COQ8A: variants seen among roughly 807,000 people sequenced by gnomAD.
COQ8A encodes the protein coenzyme Q8A.
COQ8A carries 51 observed loss-of-function variants against 65.0 expected under a neutral mutation model. The observed-to-expected ratio is 0.78, with a 90% CI of 0.63 to 0.99. COQ8A has a LOEUF of 0.99. COQ8A is among the 50% of genes least tolerant of loss of function. The pLI, the probability that COQ8A is intolerant of heterozygous loss-of-function variation, is 0.00. For missense variants in COQ8A, 940 were observed against 875.0 expected, an observed-to-expected ratio of 1.07 and a Z score of -0.94; for synonymous variants, 371 against 353.2, an observed-to-expected ratio of 1.05 and a Z score of -0.57.
At position 226,986,721 on chromosome 1, in the gene COQ8A, G is replaced by A. The variant is rs773746786; in HGVS notation, c.1928G>A (p.Arg643Lys). 3 of 1,613,460 alleles carry A rather than the reference G, an allele frequency of 1.9e-6. No homozygotes were observed. Among genetic ancestry groups the A allele is most frequent in the Non-Finnish European group, 2.5e-6 (3 of 1,180,022 alleles). The change falls in exon 15 of 15, where the codon AGG becomes AAG. Residue 643 changes from arginine (R) to lysine (K), a missense_variant. Arg to Lys is a conservative substitution (Grantham distance 26). Transcript: ENST00000366777. Reference sequence around the variant, plus strand: ...GAGGCCTACAGCAACTACTGCAAGAGGCAGGCCCAGCAGTAGGGCTGCGGG... The same window carrying A: ...GAGGCCTACAGCAACTACTGCAAGAAGCAGGCCCAGCAGTAGGGCTGCGGG... ...FEEAYSNYCKRQAQQ is the reference protein window; with the variant it reads ...FEEAYSNYCKKQAQQ
intron 1 of COQ8A, among the ~76,000 whole-genome samples, chr1:226,944,929 C>G (rs2148000064): frequency 6.6e-6 from 1 of 152,138 alleles, no homozygotes; most frequent in South Asian, 2.1e-4. Context: ...TCCTGAGAGA[C>G]AGAGAGGCTG....
chr1:226,948,299 C>G (rs922523284), intron 1 of COQ8A, among the ~76,000 whole-genome samples: 1 of 152,346 alleles, frequency 6.6e-6, no homozygotes, highest in East Asian at 1.9e-4. Flanking sequence ...ACTCCAGCCT[C>G]ACTTCTGTCT....
intron 1 of COQ8A, among the ~76,000 whole-genome samples, chr1:226,956,231 G>T (rs1657743810): frequency 1.1e-5 from 1 of 90,450 alleles, no homozygotes; most frequent in Non-Finnish European, 2.1e-5. Flanking sequence ...GCCACTCCCT[G>T]GTTCACACTC....
At chr1:226,977,971 C>T (rs1209627107) in intron 5 of COQ8A, among the ~76,000 whole-genome samples, 1 of 151,260 alleles carries the variant, frequency 6.6e-6, no homozygotes, top group Non-Finnish European at 1.5e-5. Flanking sequence ...ACCCCTTGCA[C>T]ACCCACTGAA....
chr1:226,985,393 C>T, intron 14 of COQ8A, 53 bp downstream of exon 14: 1 of 1,593,108 alleles, frequency 6.3e-7, no homozygotes, highest in Non-Finnish European at 8.6e-7. Flanking sequence ...GGCCCGGCTC[C>T]CTGTGTAAGA....
intron 4 of COQ8A, among the ~76,000 whole-genome samples, chr1:226,969,515 C>T (rs1219388901): frequency 2.6e-5 from 4 of 152,174 alleles, no homozygotes; most frequent in Admixed American, 6.5e-5. Context: ...GGATTACAGG[C>T]GTGAGCCACC....
chr1:226,978,674 T>G (rs1659469632), intron 5 of COQ8A, among the ~76,000 whole-genome samples: 1 of 61,810 alleles, frequency 1.6e-5, no homozygotes, highest in African/African-American at 4.2e-5. Flanking sequence ...GCCCACCTCC[T>G]TACACACCCT....
At chr1:226,965,515 T>G in intron 3 of COQ8A, 105 bp downstream of exon 3, 1 of 1,534,236 alleles carries the variant, frequency 6.5e-7, no homozygotes, top group Middle Eastern at 1.8e-4. Context: ...GGTCTGGGGT[T>G]TTTAGGAGCG....
chr1:226,986,370 C>A, intron 14 of COQ8A, 83 bp from the exon 15 acceptor site: 1 of 1,468,744 alleles, frequency 6.8e-7, no homozygotes, highest in South Asian at 1.2e-5. Flanking sequence ...GAGAACTCAG[C>A]GCCCCGGGCA....
In COQ8A at chr1:226,982,124, G is replaced by A. The variant is rs757540360; in HGVS notation, c.828G>A (p.Lys276=). 8 of 1,604,060 alleles carry A rather than the reference G, an allele frequency of 5.0e-6. No homozygotes were observed. In the Admixed American group the frequency reaches 1.0e-4, roughly 20 times the overall value. The part of the protein sequence containing the change: ...TLCKVRGAAL[K]LGQMLSIQDD... ...GCAAGGTGCGTGGTGCGGCACTCAA[G>A]CTGGGCCAGATGCTGAGCATCCAGG... The change falls in exon 6 of 15, where the codon AAG becomes AAA. Residue 276 remains lysine, a synonymous_variant. Coordinates refer to ENST00000366777, the MANE Select transcript of COQ8A (RefSeq NM_020247.5).
At chr1:226,983,275 A>G (rs2148129023) in intron 8 of COQ8A, 1 of 681,416 alleles carries the variant, frequency 1.5e-6, no homozygotes, top group Non-Finnish European at 2.4e-6. Flanking sequence ...GGGGTGGGCA[A>G]GGACAGGGGA....
intron 1 of COQ8A, among the ~76,000 whole-genome samples, chr1:226,955,656 C>T (rs1443535565): frequency 2.5e-5 from 3 of 117,676 alleles, no homozygotes; most frequent in Non-Finnish European, 5.1e-5. Context: ...TCCCTGGTTC[C>T]CATTCTCCCT....
In COQ8A at chr1:226,965,152, C is replaced by T; in HGVS notation, c.330C>T (p.Ala110=). The T allele has an allele frequency of 6.2e-7, 1 of 1,613,944 alleles. No homozygotes were observed. Among genetic ancestry groups the T allele is most frequent in the Middle Eastern group, 1.6e-4 (1 of 6,062 alleles). ...DQSAPPSLGH[A]HSEGPAPAYV... is the part of the protein sequence containing the mutation. ...CAGCGCCCCCATCCCTGGGTCATGC[C>T]CACAGCGAGGGCCCAGCTCCTGCCT... The change falls in exon 3 of 15, where the codon GCC becomes GCT. Residue 110 remains alanine, a synonymous_variant. Transcript: ENST00000366777.
intron 2 of COQ8A, among the ~76,000 whole-genome samples, chr1:226,963,450 C>T (rs1658377212): frequency 6.6e-6 from 1 of 152,178 alleles, no homozygotes; most frequent in Non-Finnish European, 1.5e-5. Flanking sequence ...CCCCACTGGC[C>T]TTGGGCTTCC....
intron 1 of COQ8A, among the ~76,000 whole-genome samples, chr1:226,955,055 A>G (rs1657603738): frequency 6.6e-6 from 1 of 152,100 alleles, no homozygotes; most frequent in African/African-American, 2.4e-5. Flanking sequence ...GCTGGAACCT[A>G]AAGGCAGTGG....
At chr1:226,985,414 G>A (rs1660039820) in intron 14 of COQ8A, 74 bp downstream of exon 14, 3 of 1,548,146 alleles carry the variant, frequency 1.9e-6, no homozygotes, top group Non-Finnish European at 1.8e-6. Context: ...ATGGATGAAA[G>A]CACAGGGGGC....
intron 5 of COQ8A, 67 bp from the exon 6 acceptor site, chr1:226,981,960 G>A: frequency 6.2e-7 from 1 of 1,609,148 alleles, no homozygotes; most frequent in Non-Finnish European, 8.5e-7. Context: ...TCTGTATCAG[G>A]TGGGGCTTGC....
chr1:226,966,715 C>T (rs1658587864), intron 4 of COQ8A, among the ~76,000 whole-genome samples: 1 of 152,056 alleles, frequency 6.6e-6, no homozygotes, highest in African/African-American at 2.4e-5. Flanking sequence ...TTATGTTTTT[C>T]CTCCCATACA....
chr1:226,982,310 G>T, intron 6 of COQ8A, 161 bp downstream of exon 6: 1 of 1,140,878 alleles, frequency 8.8e-7, no homozygotes, highest in Non-Finnish European at 1.2e-6. Context: ...CAGACGGGTG[G>T]CTCTGGGTCC....
Sources: gnomAD v4.1 joint callset for allele counts (sites outside exome capture counted in the v4.1 genomes callset) on GRCh38, gnomAD v4.1.1 for gene constraint, MANE v1.5 for transcripts, NCBI Gene and HGNC (gene_info 2026-07-23, HGNC 2026-07-21) for gene names.